AFF1: variants seen among roughly 807,000 people sequenced by gnomAD.
The protein encoded by AFF1 is ALF transcription elongation factor 1, also known as AF4/FMR2 family member 1.
Under a neutral mutation model 121.7 loss-of-function variants are expected in AFF1, and 48 were observed. That is an observed-to-expected ratio of 0.39 (90% CI 0.31 to 0.50). AFF1 has a LOEUF of 0.50. Among genes scored for constraint, AFF1 ranks in the 20% least tolerant of loss-of-function variants. AFF1 has a pLI of 0.76. For synonymous variants in AFF1, 613 were observed against 563.0 expected (o/e 1.09, Z -1.26); for missense variants, 1,523 against 1,511.7 (o/e 1.01, Z -0.12).
At chr4:87,113,931 A>G (rs1386669723) in intron 11 of AFF1, among the ~76,000 whole-genome samples, 2 of 152,196 alleles carry the variant, frequency 1.3e-5, no homozygotes, top group Non-Finnish European at 2.9e-5. Flanking sequence ...TATGTCAAAA[A>G]AAGGATAAAA....
chr4:87,054,844 C>T (rs1719937032), intron 4 of AFF1, among the ~76,000 whole-genome samples: 1 of 152,288 alleles, frequency 6.6e-6, no homozygotes, highest in East Asian at 1.9e-4. Flanking sequence ...CTAGGTTGGG[C>T]CTGCAGACAA....
intron 11 of AFF1, among the ~76,000 whole-genome samples, chr4:87,110,892 A>G (rs1317818765): frequency 6.6e-6 from 1 of 152,182 alleles, no homozygotes; most frequent in African/African-American, 2.4e-5. Context: ...GAGGAGACGC[A>G]GAGGAAGAAA....
intron 2 of AFF1, among the ~76,000 whole-genome samples, chr4:87,041,151 A>G (rs1201650202): frequency 1.3e-5 from 2 of 152,132 alleles, no homozygotes; most frequent in Admixed American, 1.3e-4. Context: ...TGCTGAGATT[A>G]CAGGCGTGAG....
chr4:87,131,315 A>AT, intron 17 of AFF1, 96 bp downstream of exon 17: 2 of 1,481,670 alleles, frequency 1.3e-6, no homozygotes, highest in Non-Finnish European at 1.8e-6. Context: ...AGATGGCTCA[A>AT]TAAAGGGGAG....
intron 5 of AFF1, among the ~76,000 whole-genome samples, chr4:87,089,547 A>C (rs1225730501): frequency 6.6e-6 from 1 of 152,226 alleles, no homozygotes; most frequent in Non-Finnish European, 1.5e-5. Flanking sequence ...TCAAACAGGA[A>C]AGTTCTTCTT....
intron 2 of AFF1, among the ~76,000 whole-genome samples, chr4:87,033,734 T>C (rs943942134): frequency 5.3e-5 from 8 of 152,204 alleles, no homozygotes; most frequent in Admixed American, 4.6e-4. Flanking sequence ...TTTCTTGTTT[T>C]CTGTGTGGGA....
chr4:87,046,195 G>A lies in AFF1; in HGVS notation c.68G>A (p.Arg23Gln), dbSNP rs777939356. 18 of 1,613,606 alleles carry A rather than the reference G, an allele frequency of 1.1e-5. No individual in the cohort carries two copies. The highest frequency in any genetic ancestry group is 4.5e-5 in the East Asian group (2 of 44,884). ...SLYNDDRNLL[R>Q]IREKERRNQE... is the part of the protein sequence containing the mutation. Reference sequence around the variant, plus strand: ...TACAATGACGACAGAAACCTGCTTCGAATTAGAGAGAAGGAAAGACGCAAC... The same window carrying A: ...TACAATGACGACAGAAACCTGCTTCAAATTAGAGAGAAGGAAAGACGCAAC... The change falls in exon 3 of 21, where the codon CGA becomes CAA. Residue 23 changes from arginine to glutamine, a missense_variant. Coordinates refer to ENST00000395146, the MANE Select transcript of AFF1 (RefSeq NM_001166693.3).
chr4:87,013,107 G>A (rs1206490371), intron 2 of AFF1, among the ~76,000 whole-genome samples: 2 of 139,442 alleles, frequency 1.4e-5, no homozygotes, highest in African/African-American at 2.7e-5. Flanking sequence ...GCAATGGTGC[G>A]ATCTCGGCTC....
intron 4 of AFF1, among the ~76,000 whole-genome samples, chr4:87,067,769 T>G (rs1447447750): frequency 6.6e-6 from 1 of 152,252 alleles, no homozygotes; most frequent in Non-Finnish European, 1.5e-5. Flanking sequence ...AGAATTGGTT[T>G]AGCTTAAGCT....
At chr4:86,962,033 T>C (rs1021508047) in intron 2 of AFF1, among the ~76,000 whole-genome samples, 3 of 152,198 alleles carry the variant, frequency 2.0e-5, no homozygotes, top group Non-Finnish European at 4.4e-5. Flanking sequence ...GTCTAAAATA[T>C]ATGTTTTTTA....
chr4:87,034,689 G>A (rs922223117), intron 2 of AFF1, among the ~76,000 whole-genome samples: 6 of 152,146 alleles, frequency 3.9e-5, no homozygotes, highest in South Asian at 2.1e-4. Context: ...TGATTAACAC[G>A]TGGTGTTAGC....
chr4:86,998,402 A>G (rs1725414000), intron 2 of AFF1, among the ~76,000 whole-genome samples: 1 of 152,208 alleles, frequency 6.6e-6, no homozygotes, highest in African/African-American at 2.4e-5. Flanking sequence ...TTTTGTTTTT[A>G]GAATAATTGT....
chr4:87,005,311 A>T (rs1255379352), intron 2 of AFF1, among the ~76,000 whole-genome samples: 1 of 152,168 alleles, frequency 6.6e-6, no homozygotes, highest in Non-Finnish European at 1.5e-5. Flanking sequence ...ACCATTGGTC[A>T]TTTCAAAACT....
chr4:86,969,632 G>A (rs1376316512), intron 2 of AFF1, among the ~76,000 whole-genome samples: 3 of 150,246 alleles, frequency 2.0e-5, no homozygotes, highest in African/African-American at 7.3e-5. Flanking sequence ...TGTAATCCCA[G>A]CACTTAGGGA....
intron 1 of AFF1, among the ~76,000 whole-genome samples, chr4:86,937,113 G>C (rs1427780094): frequency 1.3e-5 from 2 of 152,186 alleles, no homozygotes; most frequent in Admixed American, 1.3e-4. Context: ...CAGGTATGTT[G>C]CTGTGAATTC....
intron 2 of AFF1, among the ~76,000 whole-genome samples, chr4:87,012,484 C>A (rs531509739): frequency 6.6e-6 from 1 of 152,044 alleles, no homozygotes; most frequent in Non-Finnish European, 1.5e-5. Flanking sequence ...GGTTCAGTTA[C>A]GTTTTATTGA....
rs139734832 is a variant in AFF1, at chr4:86,999,428, T to G, written c.39-46738T>G. Among the ~76,000 whole-genome samples, 462 of 152,304 alleles carry G rather than the reference T, an allele frequency of 3.0e-3. 4 individuals carry two copies. Among genetic ancestry groups the G allele is most frequent in the African/African-American group, 0.011 (448 of 41,572 alleles). ...GACCCTAGAGGCAGCTAAGTCTCATTGATAGATATCTCTCAGCATCTGTTG... is the reference window on the plus strand; with the variant it reads ...GACCCTAGAGGCAGCTAAGTCTCATGGATAGATATCTCTCAGCATCTGTTG... On this transcript the variant is annotated intron_variant, in intron 2 of 20. Transcript: ENST00000395146.
At chr4:87,022,364 T>C (rs1027530605) in intron 2 of AFF1, among the ~76,000 whole-genome samples, 3 of 151,684 alleles carry the variant, frequency 2.0e-5, no homozygotes, top group Non-Finnish European at 2.9e-5. Context: ...TTAGGTTTAG[T>C]AGATGTTCCA....
intron 7 of AFF1, among the ~76,000 whole-genome samples, chr4:87,093,855 C>T (rs1724562383): frequency 6.6e-6 from 1 of 152,160 alleles, no homozygotes; most frequent in African/African-American, 2.4e-5. Context: ...TGTTTCAGGT[C>T]CCTATTACCT....
Sources: gnomAD v4.1 joint callset for allele counts (sites outside exome capture counted in the v4.1 genomes callset) on GRCh38, gnomAD v4.1.1 for gene constraint, MANE v1.5 for transcripts, NCBI Gene and HGNC (gene_info 2026-07-23, HGNC 2026-07-21) for gene names.